SOX13: variants seen among roughly 807,000 people sequenced by gnomAD.
SOX13 encodes SRY-box transcription factor 13.
Under a neutral mutation model 71.8 loss-of-function variants are expected in SOX13, and 28 were observed. The observed-to-expected ratio is 0.39, with a 90% CI of 0.29 to 0.53. The LOEUF is 0.53. Among genes scored for constraint, SOX13 ranks in the 20% least tolerant of loss-of-function variants. SOX13 has a pLI of 0.70. For missense variants in SOX13, 627 were observed against 810.3 expected (o/e 0.77, Z 2.75); for synonymous variants, 309 against 317.8 (o/e 0.97, Z 0.29).
In SOX13 at chr1:204,084,924, G is replaced by A. The variant is rs149887420; in HGVS notation, c.-2+11213G>A. ...TCTGTGTGTTTCAGTTTCCCTGCTG[G>A]AAAGACAGCAAGATCTCTCCCACTG... On this transcript the variant is annotated intron_variant, in intron 1 of 13. Coordinates refer to ENST00000367204, the MANE Select transcript of SOX13 (RefSeq NM_005686.3). Among the ~76,000 whole-genome samples the A allele has an allele frequency of 6.8e-3, 1,042 of 152,316 alleles. 10 individuals carry two copies. The highest frequency in any genetic ancestry group is 0.023 in the African/African-American group (964 of 41,556).
At chr1:204,094,492 C>G (rs562720886) in intron 1 of SOX13, among the ~76,000 whole-genome samples, 1 of 152,320 alleles carries the variant, frequency 6.6e-6, no homozygotes, top group South Asian at 2.1e-4. Context: ...CCCCTTCCCT[C>G]GGGTCAGGAC....
intron 1 of SOX13, among the ~76,000 whole-genome samples, chr1:204,097,546 C>T (rs145279852): frequency 0.016 from 2,403 of 151,990 alleles, 62 homozygotes; most frequent in African/African-American, 0.053. Context: ...ACAAAATTAG[C>T]TGGGCGTGGT....
rs1380913547 is a variant in SOX13, at chr1:204,073,607, A to C, written c.-106A>C. On this transcript the variant is annotated 5_prime_UTR_variant, in exon 1 of 14. The change abolishes an upstream ATG in the 5' untranslated region. Coordinates refer to ENST00000367204, the MANE Select transcript of SOX13 (RefSeq NM_005686.3). This position sits in a 1 kb window ranked among gnomAD's most constrained non-coding sequence, Gnocchi z 6.8. ...GGCCCGCCCGCCGCGTCGCGGGGGCATGTGAGCGGGAAGCCTAGGCTGCCA... is the reference window on the plus strand; with the variant it reads ...GGCCCGCCCGCCGCGTCGCGGGGGCCTGTGAGCGGGAAGCCTAGGCTGCCA... The C allele has an allele frequency of 2.7e-5, 4 of 150,612 alleles. No individual in the cohort carries two copies. The highest frequency in any genetic ancestry group is 2.0e-4 in the East Asian group (1 of 4,906). 9.3% of individuals were successfully genotyped at this position (150,612 alleles called of 1,614,324 possible). A position where few individuals can be genotyped will look rare whatever the true frequency, so the allele number is the denominator to read the frequency against.
In SOX13 at chr1:204,125,993, C is replaced by T. The variant is rs1656913268; in HGVS notation, c.1728C>T (p.Asn576=). ...ACCCCAACATGCCTGTGATCGTCAA[C>T]ACCTGCAGCCTCAGAGAGGAGGGTG... The part of the protein sequence containing the change: ...SLDPNMPVIV[N]TCSLREEGEG... The change falls in exon 14 of 14, where the codon AAC becomes AAT. Residue 576 remains asparagine (N), a synonymous_variant. Transcript: ENST00000367204. 2 of 1,613,868 alleles carry T rather than the reference C, an allele frequency of 1.2e-6. No homozygotes were observed. The highest frequency in any genetic ancestry group is 1.3e-5 in the African/African-American group (1 of 74,936).
chr1:204,121,962 A>G lies in SOX13; in HGVS notation c.838A>G (p.Met280Val). 6.2e-7 allele frequency: 1 copy of G among 1,609,322 alleles called. No homozygotes were observed. The highest frequency in any genetic ancestry group is 1.1e-5 in the South Asian group (1 of 90,900). Residue 280 changes from methionine (M) to valine (V), a missense_variant, in exon 8 of 14, where the codon ATG becomes GTG. Physicochemically the swap from Met to Val is conservative, Grantham distance 21. Transcript: ENST00000367204. ...PAPVVKRPGA[M>V]ATHHPLQEPS... is the part of the protein sequence containing the mutation. ...CCCAGTGGTGAAGAGGCCTGGGGCC[A>G]TGGCCACCCACCACCCCCTGCAGGT...
chr1:204,119,096 A>C (rs1256361553), intron 7 of SOX13: 1 of 152,302 alleles, frequency 6.6e-6, no homozygotes, highest in East Asian at 1.9e-4. Flanking sequence ...GAGAGAGAAG[A>C]GGAAATTCCC....
rs1169399991 is a variant in SOX13, at chr1:204,123,229, C to T, written c.1231+21C>T. On this transcript the variant is annotated intron_variant, in intron 11 of 13. Coordinates refer to ENST00000367204, the MANE Select transcript of SOX13 (RefSeq NM_005686.3). This position sits in a 1 kb window ranked among gnomAD's most constrained non-coding sequence, Gnocchi z 5.0. ...GGATGGTGAGGGCTCAGGCGCAGGG[C>T]TGATGCGCAGGAGGGCCCAACTCTG... is the stretch of plus-strand genomic sequence containing the variant. 3.2e-6 allele frequency: 5 copies of T among 1,584,936 alleles called. No homozygotes were observed. The highest frequency in any genetic ancestry group is 4.3e-6 in the Non-Finnish European group (5 of 1,153,834).
intron 1 of SOX13, among the ~76,000 whole-genome samples, chr1:204,083,989 G>A (rs941966033): frequency 6.6e-6 from 1 of 152,150 alleles, no homozygotes; most frequent in Non-Finnish European, 1.5e-5. Flanking sequence ...CATAAGGGTA[G>A]GTCCCCTCCA....
At chr1:204,078,090 C>CA (rs2102217913) in intron 1 of SOX13, 1 of 152,406 alleles carries the variant, frequency 6.6e-6, no homozygotes, top group African/African-American at 2.4e-5. Flanking sequence ...GCTGGGATTA[C>CA]AGGCATGAGC....
At chr1:204,080,350 C>T (rs1269804335) in intron 1 of SOX13, among the ~76,000 whole-genome samples, 1 of 152,160 alleles carries the variant, frequency 6.6e-6, no homozygotes, top group Non-Finnish European at 1.5e-5. Flanking sequence ...CTTCTGGGGA[C>T]ATGTCCAAGC....
chr1:204,112,828 G>A (rs1299215064), intron 1 of SOX13, 87 bp from the exon 2 acceptor site: 2 of 1,113,162 alleles, frequency 1.8e-6, no homozygotes, highest in Non-Finnish European at 2.6e-6. Context: ...CTTGGGTGGG[G>A]TCAGGGGAGC....
At chr1:204,112,530 TTC>T (rs1030348234) in intron 1 of SOX13, among the ~76,000 whole-genome samples, 7 of 64,240 alleles carry the variant, frequency 1.1e-4, no homozygotes, top group African/African-American at 2.9e-4. Context: ...CACACACACT[TTC>T]TCTCTCTCGC....
At position 204,126,173 on chromosome 1, in the gene SOX13, A is replaced by G. The variant is rs780366956; in HGVS notation, c.*39A>G. 1.3e-6 allele frequency: 2 copies of G among 1,598,744 alleles called. No homozygotes were observed. Among genetic ancestry groups the G allele is most frequent in the South Asian group, 2.2e-5 (2 of 89,200 alleles). On this transcript the variant is annotated 3_prime_UTR_variant, in exon 14 of 14. Coordinates refer to ENST00000367204, the MANE Select transcript of SOX13 (RefSeq NM_005686.3). ...GGCCTGGCCCCTTCTCCTCTGGGGAAGACCTTGTCCCAACTCGATGGGCAC... is the reference window on the plus strand; with the variant it reads ...GGCCTGGCCCCTTCTCCTCTGGGGAGGACCTTGTCCCAACTCGATGGGCAC...
chr1:204,074,139 C>A (rs536221200), intron 1 of SOX13: 1 of 152,326 alleles, frequency 6.6e-6, no homozygotes, highest in Admixed American at 6.5e-5. Context: ...CAGCGGGAAG[C>A]CGAAGCGACC....
At chr1:204,113,214 C>A in intron 2 of SOX13, 80 bp downstream of exon 2, 2 of 1,159,676 alleles carry the variant, frequency 1.7e-6, no homozygotes, top group Non-Finnish European at 1.2e-6. Flanking sequence ...AGGCCCACTC[C>A]CCTAGATGGC....
intron 1 of SOX13, among the ~76,000 whole-genome samples, chr1:204,106,517 ATTTTTTT>A (rs34769472): frequency 1.4e-5 from 2 of 140,020 alleles, no homozygotes; most frequent in Admixed American, 7.2e-5. Flanking sequence ...TCCAAAATAA[ATTTTTTT>A]TTTTTTTTTT....
In SOX13 at chr1:204,122,977, C is replaced by T. The variant is rs201404301; in HGVS notation, c.1134+14C>T. ...CCCTTCCGTAAGGTATGGTCCCCCACTCCCTTGAGCCTAGGGGCAGCAACA... is the reference window on the plus strand; with the variant it reads ...CCCTTCCGTAAGGTATGGTCCCCCATTCCCTTGAGCCTAGGGGCAGCAACA... On this transcript the variant is annotated intron_variant, in intron 10 of 13. Transcript: ENST00000367204. 16 of 1,550,290 alleles carry T rather than the reference C, an allele frequency of 1.0e-5. No homozygotes were observed. The highest frequency in any genetic ancestry group is 1.8e-5 in the Admixed American group (1 of 56,906).
chr1:204,121,435 T>G (rs2102264217), intron 7 of SOX13, among the ~76,000 whole-genome samples: 1 of 152,340 alleles, frequency 6.6e-6, no homozygotes, highest in East Asian at 1.9e-4. Context: ...AAGGTTTTCA[T>G]TTCTTTTTCT....
At chr1:204,079,976 G>A (rs1655868657) in intron 1 of SOX13, among the ~76,000 whole-genome samples, 1 of 152,170 alleles carries the variant, frequency 6.6e-6, no homozygotes, top group Admixed American at 6.5e-5. Context: ...GTGTGCACAG[G>A]GTGTGCACAG....
Sources: allele counts gnomAD v4.1 joint callset (sites outside exome capture counted in the v4.1 genomes callset), GRCh38; gene constraint gnomAD v4.1.1; non-coding constraint Gnocchi (gnomAD v3.1); transcripts MANE v1.5; gene names NCBI Gene and HGNC (gene_info 2026-07-23, HGNC 2026-07-21).